XRCC4: variants seen among roughly 807,000 people sequenced by gnomAD.
XRCC4 encodes DNA repair protein XRCC4.
Under a neutral mutation model 39.1 loss-of-function variants are expected in XRCC4, and 28 were observed. The ratio of observed to expected loss-of-function variants is 0.72; its 90% CI spans 0.53 to 0.98. The LOEUF (loss-of-function observed/expected upper bound fraction) is 0.98, where lower values mean the gene tolerates loss of function less well. Ranked by LOEUF, XRCC4 falls within the 50% of genes least tolerant of loss-of-function variation. The probability of loss-of-function intolerance (pLI) is 0.00; values close to 1 mark genes in which losing one functional copy is unlikely to be tolerated. For synonymous variants in XRCC4, 123 were observed against 126.4 expected, an observed-to-expected ratio of 0.97 and a Z score of 0.18; for missense variants, 350 against 376.4, an observed-to-expected ratio of 0.93 and a Z score of 0.58.
chr5:83,078,159 A>G (rs1338729463), intron 1 of XRCC4, among the ~76,000 whole-genome samples: 1 of 152,254 alleles, frequency 6.6e-6, no homozygotes, highest in Non-Finnish European at 1.5e-5. Context: ...ATCAACTGGC[A>G]AGACAAATGA....
At position 83,109,661 on chromosome 5, in the gene XRCC4, C is replaced by T. The variant is rs377117304; in HGVS notation, c.140-1367C>T. Among the ~76,000 whole-genome samples, 22 of 151,900 alleles carry T rather than the reference C, an allele frequency of 1.4e-4. No homozygotes were observed. In the East Asian group the frequency reaches 3.7e-3, roughly 25 times the overall value. ...GTAAGAAAGGGAAAACCTCAGACAC[C>T]ATGTTTGAAGAGGTATTTCAAAACC... On this transcript the variant is annotated intron_variant, in intron 2 of 7. Transcript: ENST00000396027.
chr5:83,210,896 A>G (rs931874534), intron 6 of XRCC4, among the ~76,000 whole-genome samples: 7 of 152,192 alleles, frequency 4.6e-5, no homozygotes, highest in East Asian at 1.9e-4. Context: ...TAGCAAATCT[A>G]TGATGGTTTC....
intron 1 of XRCC4, among the ~76,000 whole-genome samples, chr5:83,093,005 A>G (rs77838314): frequency 0.023 from 2,673 of 117,704 alleles, 69 homozygotes; most frequent in African/African-American, 0.081. Flanking sequence ...GACAAGGAGT[A>G]AATGAATGGA....
rs557780064 is a variant in XRCC4 at position 83,327,529 on chromosome 5, G to T, written c.894-25602G>T. Among the ~76,000 whole-genome samples, 3 of 151,616 alleles carry T rather than the reference G, an allele frequency of 2.0e-5. No homozygotes were observed. In the South Asian group the frequency reaches 6.3e-4, roughly 32 times the overall value. On this transcript the variant is annotated intron_variant, in intron 7 of 7. Coordinates refer to ENST00000396027, the MANE Select transcript of XRCC4 (RefSeq NM_003401.5). ...CTTATACAAAAAGGTAACTATATGG[G>T]GTGACAGTTATGTTAATTAGCTTGA...
chr5:83,230,851 T>C (rs1019127764), intron 6 of XRCC4, among the ~76,000 whole-genome samples: 11 of 152,042 alleles, frequency 7.2e-5, no homozygotes, highest in Admixed American at 2.0e-4. Flanking sequence ...AAGAAAAATG[T>C]GACATCTCTT....
At position 83,132,375 on chromosome 5, in the gene XRCC4, C is replaced by T. The variant is rs148948892; in HGVS notation, c.315+21172C>T. On this transcript the variant is annotated intron_variant, in intron 3 of 7. Transcript: ENST00000396027. ...TTATGTGTCTTGGTGTTGCTGTTCT[C>T]GAGGAGTATCTTTGTGACGTTGTCT... Among the ~76,000 whole-genome samples the T allele has an allele frequency of 3.5e-3, 530 of 152,032 alleles. 21 individuals carry two copies. Among genetic ancestry groups the T allele is most frequent in the Admixed American group, 0.03 (457 of 15,226 alleles).
intron 1 of XRCC4, among the ~76,000 whole-genome samples, chr5:83,100,496 TA>T (rs902712661): frequency 4.6e-5 from 7 of 151,768 alleles, no homozygotes; most frequent in Non-Finnish European, 1.0e-4. Context: ...AATATGGCTT[TA>T]AAAAAAAGCA....
intron 6 of XRCC4, among the ~76,000 whole-genome samples, chr5:83,254,617 A>C (rs777742181): frequency 7.9e-5 from 12 of 152,118 alleles, no homozygotes; most frequent in Non-Finnish European, 1.8e-4. Context: ...TCCTATTGAT[A>C]TAGTTGGGAT....
At chr5:83,200,781 A>C (rs1751155504) in intron 4 of XRCC4, among the ~76,000 whole-genome samples, 1 of 152,094 alleles carries the variant, frequency 6.6e-6, no homozygotes, top group African/African-American at 2.4e-5. Context: ...ATATGTTTGA[A>C]GTATGTTATT....
At chr5:83,258,221 A>G (rs1753620306) in intron 6 of XRCC4, among the ~76,000 whole-genome samples, 2 of 152,158 alleles carry the variant, frequency 1.3e-5, no homozygotes, top group Middle Eastern at 3.4e-3. Context: ...TTTTGTTGCT[A>G]TGATTTCTAG....
intron 6 of XRCC4, among the ~76,000 whole-genome samples, chr5:83,212,519 G>C (rs1320199220): frequency 1.3e-5 from 2 of 152,058 alleles, no homozygotes; most frequent in Non-Finnish European, 2.9e-5. Context: ...GGACAAAAGA[G>C]AGAGAAAGGT....
chr5:83,355,187 C>G (rs1353075015), downstream of XRCC4, among the ~76,000 whole-genome samples: 1 of 152,132 alleles, frequency 6.6e-6, no homozygotes, highest in African/African-American at 2.4e-5. Context: ...GTTTCTTTAT[C>G]TTTCAGATTT....
At chr5:83,151,759 A>G (rs1344477681) in intron 3 of XRCC4, among the ~76,000 whole-genome samples, 1 of 152,150 alleles carries the variant, frequency 6.6e-6, no homozygotes, top group Non-Finnish European at 1.5e-5. Flanking sequence ...AAACCTTACC[A>G]CTAAGAGTTT....
At chr5:83,249,687 A>G (rs1259182021) in intron 6 of XRCC4, among the ~76,000 whole-genome samples, 4 of 151,046 alleles carry the variant, frequency 2.6e-5, no homozygotes, top group Non-Finnish European at 4.4e-5. Context: ...TTTGTGGTAT[A>G]TATTACTGTT....
chr5:83,320,174 A>G (rs1253043307), intron 7 of XRCC4, among the ~76,000 whole-genome samples: 198 of 124,644 alleles, frequency 1.6e-3, no homozygotes, highest in African/African-American at 5.8e-3. Flanking sequence ...ACATGGACAC[A>G]GGAAGGGGAA....
chr5:83,222,887 A>G (rs1438048331), intron 6 of XRCC4, among the ~76,000 whole-genome samples: 1 of 152,078 alleles, frequency 6.6e-6, no homozygotes, highest in Admixed American at 6.6e-5. Flanking sequence ...AGCTGGGACT[A>G]TAGGTGTGTG....
At chr5:83,337,881 A>G (rs1433931860) in intron 7 of XRCC4, among the ~76,000 whole-genome samples, 3 of 152,192 alleles carry the variant, frequency 2.0e-5, no homozygotes, top group Non-Finnish European at 4.4e-5. Flanking sequence ...AAACAATGAC[A>G]TATCAACTTG....
chr5:83,248,151 C>G (rs759783081), intron 6 of XRCC4, among the ~76,000 whole-genome samples: 16 of 152,068 alleles, frequency 1.1e-4, no homozygotes, highest in Non-Finnish European at 2.1e-4. Context: ...TAAGATTGAT[C>G]ATATGTGCAA....
At chr5:83,196,890 T>C (rs541827452) in intron 4 of XRCC4, among the ~76,000 whole-genome samples, 1 of 151,946 alleles carries the variant, frequency 6.6e-6, no homozygotes, top group East Asian at 1.9e-4. Flanking sequence ...TATGTGAAAG[T>C]ATATGAAAAA....
Sources: gnomAD v4.1 joint callset for allele counts (sites outside exome capture counted in the v4.1 genomes callset) on GRCh38, gnomAD v4.1.1 for gene constraint, MANE v1.5 for transcripts, NCBI Gene and HGNC (gene_info 2026-07-23, HGNC 2026-07-21) for gene names.